RNF150: variants seen among roughly 807,000 people sequenced by gnomAD.
RNF150 encodes ring finger protein 150.
A neutral mutation model predicts 39.3 loss-of-function variants in RNF150; 24 were observed. The observed-to-expected ratio is 0.61, with a 90% confidence interval of 0.44 to 0.86. The LOEUF is 0.86. Ranked by LOEUF, RNF150 falls within the 40% of genes least tolerant of loss-of-function variation. The pLI, the probability that RNF150 is intolerant of heterozygous loss-of-function variation, is 0.00. For synonymous variants in RNF150, 255 were observed against 227.3 expected (o/e 1.12, Z -1.10); for missense variants, 502 against 587.8 (o/e 0.85, Z 1.51).
Position 140,865,993 on chromosome 4 carries a change from G to A in RNF150, c.*2268C>T, listed in dbSNP as rs1319668665. Reference sequence around the variant, plus strand: ...AGTGGCGCAAGCCTATGCTGACTGTGAAAAATAAACACCTCTGAGATCAAG... The same window carrying A: ...AGTGGCGCAAGCCTATGCTGACTGTAAAAAATAAACACCTCTGAGATCAAG... On this transcript the variant is annotated 3_prime_UTR_variant, in exon 7 of 7. Coordinates refer to ENST00000515673, the MANE Select transcript of RNF150 (RefSeq NM_020724.2). 2.6e-5 allele frequency: 4 copies of A among 152,108 alleles called. No homozygotes were observed. The highest frequency in any genetic ancestry group is 5.9e-5 in the Non-Finnish European group (4 of 68,020). 9.4% of individuals were successfully genotyped at this position (152,108 alleles called of 1,614,324 possible).
chr4:140,981,750 A>G (rs1733867237), intron 1 of RNF150, among the ~76,000 whole-genome samples: 1 of 152,140 alleles, frequency 6.6e-6, no homozygotes, highest in Non-Finnish European at 1.5e-5. Flanking sequence ...AGTGCATTGT[A>G]TTTGATTTTT....
chr4:141,172,201 T>G (rs1268406229), intron 1 of RNF150, among the ~76,000 whole-genome samples: 1 of 152,174 alleles, frequency 6.6e-6, no homozygotes, highest in Non-Finnish European at 1.5e-5. Context: ...TTCTCTGTCT[T>G]CTGGGACCGT....
chr4:141,011,895 T>C (rs1304821965), intron 1 of RNF150, among the ~76,000 whole-genome samples: 1 of 152,220 alleles, frequency 6.6e-6, no homozygotes, highest in African/African-American at 2.4e-5. Flanking sequence ...AAAAATCTCC[T>C]TAGAGTGAAA....
At chr4:140,961,730 A>G (rs1733031134) in intron 2 of RNF150, among the ~76,000 whole-genome samples, 1 of 152,084 alleles carries the variant, frequency 6.6e-6, no homozygotes, top group Non-Finnish European at 1.5e-5. Context: ...CATGATCACA[A>G]TTCACTGAGT....
upstream of RNF150, among the ~76,000 whole-genome samples, chr4:141,136,181 A>C (rs2111119130): frequency 1.3e-5 from 2 of 152,356 alleles, no homozygotes; most frequent in South Asian, 4.1e-4. Context: ...AACACTTGGC[A>C]AAAATTCAGT....
At chr4:140,907,799 GGACAGT>G (rs1395429710) in intron 6 of RNF150, among the ~76,000 whole-genome samples, 2 of 152,216 alleles carry the variant, frequency 1.3e-5, no homozygotes, top group East Asian at 3.9e-4. Flanking sequence ...CAGTGACATT[GGACAGT>G]GACATTAATC....
intron 1 of RNF150, among the ~76,000 whole-genome samples, chr4:141,158,341 G>T (rs1340996064): frequency 1.3e-5 from 2 of 151,912 alleles, no homozygotes; most frequent in Non-Finnish European, 2.9e-5. Context: ...AAAAACCTGA[G>T]AAGTGTGCTT....
intron 6 of RNF150, among the ~76,000 whole-genome samples, chr4:140,890,709 C>T (rs901310498): frequency 1.3e-5 from 2 of 152,150 alleles, no homozygotes; most frequent in African/African-American, 4.8e-5. Flanking sequence ...CCCAGACTCC[C>T]GAACTGTGAG....
chr4:141,185,434 G>C (rs535109646), intron 1 of RNF150, among the ~76,000 whole-genome samples: 37 of 152,026 alleles, frequency 2.4e-4, no homozygotes, highest in African/African-American at 8.7e-4. Flanking sequence ...TTAGGGCTGA[G>C]ACAATGGGTT....
At chr4:141,170,118 G>A (rs1425957529) in intron 1 of RNF150, among the ~76,000 whole-genome samples, 2 of 152,146 alleles carry the variant, frequency 1.3e-5, no homozygotes, top group East Asian at 3.8e-4. Flanking sequence ...TCATGAGTCT[G>A]CAAATGAAAA....
intron 1 of RNF150, among the ~76,000 whole-genome samples, chr4:141,103,054 G>T (rs1739070423): frequency 6.6e-6 from 1 of 152,158 alleles, no homozygotes; most frequent in South Asian, 2.1e-4. Context: ...ATCCCCTGTG[G>T]TTTGGAAATG....
At chr4:141,023,067 G>A (rs1161431558) in intron 1 of RNF150, among the ~76,000 whole-genome samples, 2 of 152,134 alleles carry the variant, frequency 1.3e-5, no homozygotes, top group African/African-American at 2.4e-5. Flanking sequence ...GAAATAATGA[G>A]AGAAAATTTG....
chr4:140,892,157 A>AT (rs201847177), intron 6 of RNF150, among the ~76,000 whole-genome samples: 5 of 151,238 alleles, frequency 3.3e-5, no homozygotes, highest in African/African-American at 7.4e-5. Flanking sequence ...TTGGATTGAG[A>AT]TTTTTTTGTC....
chr4:140,957,749 A>G (rs1732828208), intron 2 of RNF150, among the ~76,000 whole-genome samples: 2 of 152,080 alleles, frequency 1.3e-5, no homozygotes, highest in African/African-American at 4.8e-5. Flanking sequence ...TGTCCTTTGT[A>G]GGGACATGGA....
intron 1 of RNF150, among the ~76,000 whole-genome samples, chr4:141,104,297 C>A (rs935565122): frequency 5.9e-5 from 9 of 152,126 alleles, no homozygotes; most frequent in Admixed American, 4.6e-4. Flanking sequence ...TCAAGCATAA[C>A]CATAAAGAGC....
chr4:141,088,252 T>C (rs1173965329), intron 1 of RNF150, among the ~76,000 whole-genome samples: 1 of 152,184 alleles, frequency 6.6e-6, no homozygotes, highest in Non-Finnish European at 1.5e-5. Flanking sequence ...CCCCGGCATA[T>C]ACACTGTGTC....
chr4:140,921,291 C>A (rs1461101952), intron 5 of RNF150, among the ~76,000 whole-genome samples: 1 of 151,306 alleles, frequency 6.6e-6, no homozygotes, highest in African/African-American at 2.4e-5. Flanking sequence ...GGGATATCAC[C>A]ACCGATCCCA....
intron 1 of RNF150, among the ~76,000 whole-genome samples, chr4:141,049,137 T>C (rs1487556462): frequency 6.6e-6 from 1 of 152,090 alleles, no homozygotes; most frequent in African/African-American, 2.4e-5. Context: ...AAGAAGAAAC[T>C]AGGTATTTCA....
intron 6 of RNF150, among the ~76,000 whole-genome samples, chr4:140,889,690 T>A (rs1729693008): frequency 2.0e-5 from 3 of 152,208 alleles, no homozygotes; most frequent in Non-Finnish European, 4.4e-5. Flanking sequence ...GATATTTAGG[T>A]CTCTGTCCAA....
Sources: gnomAD v4.1 joint callset for allele counts (sites outside exome capture counted in the v4.1 genomes callset) on GRCh38, gnomAD v4.1.1 for gene constraint, MANE v1.5 for transcripts, NCBI Gene and HGNC (gene_info 2026-07-23, HGNC 2026-07-21) for gene names.